GYS2: variants seen among roughly 807,000 people sequenced by gnomAD.
The protein encoded by GYS2 is glycogen [starch] synthase, liver.
In GYS2, 80 loss-of-function variants were observed where a neutral mutation model predicts 85.6. That is an observed-to-expected ratio of 0.93 (90% confidence interval 0.78 to 1.13). The LOEUF (loss-of-function observed/expected upper bound fraction) is 1.13, where lower values mean the gene tolerates loss of function less well. Ranked by LOEUF, GYS2 falls within the 50% of genes most tolerant of loss-of-function variation. The pLI is 0.00. For synonymous variants in GYS2, 328 were observed against 300.7 expected (o/e 1.09, Z -0.94); for missense variants, 881 against 854.9 (o/e 1.03, Z -0.38).
intron 1 of GYS2, 77 bp from the exon 2 acceptor site, chr12:21,580,600 C>A: frequency 9.3e-7 from 1 of 1,079,032 alleles, no homozygotes; most frequent in South Asian, 1.2e-5. Context: ...GAAATGAGTT[C>A]AGATTTTTAA....
chr12:21,596,957 C>T (rs1166208790), intron 1 of GYS2, among the ~76,000 whole-genome samples: 3 of 152,108 alleles, frequency 2.0e-5, no homozygotes, highest in African/African-American at 4.8e-5. Flanking sequence ...ACACCAACAG[C>T]AACCAAATGG....
At chr12:21,590,894 AT>A (rs1565611655) in intron 1 of GYS2, among the ~76,000 whole-genome samples, 3 of 152,216 alleles carry the variant, frequency 2.0e-5, no homozygotes, top group Non-Finnish European at 4.4e-5. Context: ...CTGAAAAAAA[AT>A]AATATGAAGA....
chr12:21,584,684 G>C (rs1040797385), intron 1 of GYS2, among the ~76,000 whole-genome samples: 1 of 152,130 alleles, frequency 6.6e-6, no homozygotes, highest in Non-Finnish European at 1.5e-5. Flanking sequence ...TGATTATATT[G>C]GACCTCTTCC....
intron 12 of GYS2, among the ~76,000 whole-genome samples, chr12:21,545,896 T>C (rs1199483505): frequency 2.6e-5 from 4 of 152,196 alleles, no homozygotes; most frequent in African/African-American, 9.6e-5. Flanking sequence ...ACCCATTACA[T>C]ATTAAATATG....
chr12:21,562,897 C>G (rs1472838933), intron 7 of GYS2, 21 bp downstream of exon 7: 1 of 1,611,670 alleles, frequency 6.2e-7, no homozygotes, highest in Non-Finnish European at 8.5e-7. Flanking sequence ...AGTGTTATAC[C>G]ATGTCCTAGA....
chr12:21,556,398 T>C (rs1944179680), intron 11 of GYS2, among the ~76,000 whole-genome samples: 1 of 152,158 alleles, frequency 6.6e-6, no homozygotes, highest in African/African-American at 2.4e-5. Context: ...CTTGAACTCC[T>C]GGCCTCAAGC....
At position 21,542,574 on chromosome 12, in the gene GYS2, C is replaced by T. The variant is rs754196109; in HGVS notation, c.1567G>A (p.Gly523Ser). ...AGATTCGTGGTCACACTGGGGATAC[C>T]CATCACAGTGCATTCAGCTGCCAGG... ...GYTPAECTVMGIPSVTTNLSG... is the reference protein window; with the variant it reads ...GYTPAECTVMSIPSVTTNLSG... The change falls in exon 13 of 16, where the codon GGT becomes AGT. Residue 523 changes from glycine (G) to serine (S), a missense_variant. Physicochemically the swap from Gly to Ser is moderately conservative, Grantham distance 56. Coordinates refer to ENST00000261195, the MANE Select transcript of GYS2 (RefSeq NM_021957.4). The T allele has an allele frequency of 6.2e-7, 1 of 1,612,244 alleles. No individual in the cohort carries two copies. Among genetic ancestry groups the T allele is most frequent in the South Asian group, 1.1e-5 (1 of 91,036 alleles).
intron 1 of GYS2, among the ~76,000 whole-genome samples, chr12:21,590,487 T>C (rs937119625): frequency 6.6e-6 from 1 of 152,108 alleles, no homozygotes; most frequent in Non-Finnish European, 1.5e-5. Flanking sequence ...GTCTGAAGAC[T>C]GGCTCATTCA....
intron 12 of GYS2, among the ~76,000 whole-genome samples, chr12:21,544,534 C>T (rs954301469): frequency 1.3e-5 from 2 of 152,166 alleles, no homozygotes; most frequent in Non-Finnish European, 2.9e-5. Flanking sequence ...ATCCATGATA[C>T]TTCCAATAGT....
chr12:21,552,819 A>G (rs1200827806), intron 11 of GYS2, among the ~76,000 whole-genome samples: 1 of 152,156 alleles, frequency 6.6e-6, no homozygotes, highest in African/African-American at 2.4e-5. Flanking sequence ...TTGCATGACA[A>G]ATTCCAGATC....
chr12:21,542,044 T>TA (rs1478176935), intron 13 of GYS2, among the ~76,000 whole-genome samples: 1 of 127,138 alleles, frequency 7.9e-6, no homozygotes, highest in East Asian at 2.8e-4. Flanking sequence ...ATTCTATTTA[T>TA]AAATCTACTT....
Position 21,604,580 on chromosome 12 carries a change from G to T in GYS2, c.13C>A (p.Arg5=). The T allele has an allele frequency of 6.2e-7, 1 of 1,612,282 alleles. No homozygotes were observed. The change falls in exon 1 of 16, where the codon CGA becomes AGA. Residue 5 remains arginine (R), a synonymous_variant. Coordinates refer to ENST00000261195, the MANE Select transcript of GYS2 (RefSeq NM_021957.4). Reference sequence around the variant, plus strand: ...CCCAGGGATGTTACAGAGAGGGATCGGCCTCGAAGCATTCTTCTTACAGTC... The same window carrying T: ...CCCAGGGATGTTACAGAGAGGGATCTGCCTCGAAGCATTCTTCTTACAGTC... MLRG[R]SLSVTSLGGL...
intron 1 of GYS2, among the ~76,000 whole-genome samples, chr12:21,587,523 C>A (rs1035816408): frequency 6.6e-6 from 1 of 152,086 alleles, no homozygotes; most frequent in African/African-American, 2.4e-5. Context: ...CTTGGCACTT[C>A]TACTTGCTGC....
chr12:21,582,929 C>T (rs1034718034), intron 1 of GYS2, among the ~76,000 whole-genome samples: 2 of 152,294 alleles, frequency 1.3e-5, no homozygotes, highest in Admixed American at 1.3e-4. Context: ...CTACTGTATA[C>T]ATAATACTTT....
In GYS2 at chr12:21,584,499, A is replaced by T. The variant is rs566741671; in HGVS notation, c.122-3976T>A. Among the ~76,000 whole-genome samples, 7 of 152,324 alleles carry T rather than the reference A, an allele frequency of 4.6e-5. No individual in the cohort carries two copies. The South Asian group carries it at 1.4e-3, about 32-fold the overall frequency. On this transcript the variant is annotated intron_variant, in intron 1 of 15. Coordinates refer to ENST00000261195, the MANE Select transcript of GYS2 (RefSeq NM_021957.4). ...CATGTCATCGTCCAATGGACCCATG[A>T]ACAAAGTGGCCACAGTTGCAGGGAT...
chr12:21,579,533 T>A (rs1944484982), intron 2 of GYS2, among the ~76,000 whole-genome samples: 1 of 152,020 alleles, frequency 6.6e-6, no homozygotes, highest in Non-Finnish European at 1.5e-5. Flanking sequence ...CTAATTTTTG[T>A]ATATCTAGTA....
chr12:21,587,285 A>G lies in GYS2; in HGVS notation c.122-6762T>C, dbSNP rs113948421. On this transcript the variant is annotated intron_variant, in intron 1 of 15. Coordinates refer to ENST00000261195, the MANE Select transcript of GYS2 (RefSeq NM_021957.4). ...GTCCACTAAAAGCTCAGACTTCACC[A>G]CTATGCAACATACATATGTAAGGAA... 3.3e-3 allele frequency among the ~76,000 whole-genome samples: 501 copies of G among 152,312 alleles called. 1 individual carries two copies. The highest frequency in any genetic ancestry group is 0.012 in the African/African-American group (489 of 41,568).
Position 21,560,244 on chromosome 12 carries a change from G to T in GYS2, c.1169+142C>A, listed in dbSNP as rs528878599. On this transcript the variant is annotated intron_variant, in intron 8 of 15. Transcript: ENST00000261195. Reference sequence around the variant, plus strand: ...TTACGATAACCTAAAATAGTAGCACGATGAAAAGAGAGTCAAGTATTATTT... The same window carrying T: ...TTACGATAACCTAAAATAGTAGCACTATGAAAAGAGAGTCAAGTATTATTT... 3.7e-4 allele frequency: 243 copies of T among 661,512 alleles called. 7 individuals carry two copies. Among genetic ancestry groups the T allele is most frequent in the South Asian group, 3.3e-3 (195 of 58,358 alleles). The allele number at this position is 661,512 out of a possible 1,614,324, so 41.0% of individuals were successfully genotyped here. A position where few individuals can be genotyped will look rare whatever the true frequency, so the allele number is the denominator to read the frequency against.
chr12:21,545,484 T>C (rs1944027562), intron 12 of GYS2, among the ~76,000 whole-genome samples: 1 of 152,234 alleles, frequency 6.6e-6, no homozygotes, highest in Admixed American at 6.5e-5. Flanking sequence ...TTATTTACAT[T>C]GGGCAGAAAA....
Sources: gnomAD v4.1 joint callset for allele counts (sites outside exome capture counted in the v4.1 genomes callset) on GRCh38, gnomAD v4.1.1 for gene constraint, MANE v1.5 for transcripts, NCBI Gene and HGNC (gene_info 2026-07-23, HGNC 2026-07-21) for gene names.